The following KIF15 variants were observed in gnomAD, a reference collection of about 807,000 sequenced individuals.
KIF15 encodes the protein kinesin family member 15, also known as kinesin-like protein KIF15.
KIF15 carries 140 observed loss-of-function variants against 190.6 expected under a neutral mutation model. The ratio of observed to expected loss-of-function variants is 0.73; its 90% CI spans 0.64 to 0.84. KIF15 has a LOEUF of 0.84. Among genes scored for constraint, KIF15 ranks in the 40% least tolerant of loss-of-function variants. KIF15 has a pLI of 0.00. For synonymous variants in KIF15, 528 were observed against 551.3 expected, an observed-to-expected ratio of 0.96 and a Z score of 0.59; for missense variants, 1,372 against 1,584.4, an observed-to-expected ratio of 0.87 and a Z score of 2.28.
chr3:44,852,713 A>G lies in KIF15; in HGVS notation c.4145A>G (p.Glu1382Gly). The G allele has an allele frequency of 5.0e-6, 8 of 1,601,536 alleles. No homozygotes were observed. The Middle Eastern group carries it at 8.3e-4, about 166-fold the overall frequency. Residue 1382 changes from glutamate to glycine, a missense_variant, in exon 35 of 35, where the codon GAA (glutamate) becomes GGA (glycine). Transcript: ENST00000326047. ...KLRAENVFLK[E>G]KKRSES ...CGTGCCGAAAATGTATTTTTAAAAG[A>G]AAAGAAAAGAAGTGAATCTTGAGGA...
chr3:44,810,801 T>A, intron 16 of KIF15, 45 bp from the exon 17 acceptor site: 1 of 1,463,622 alleles, frequency 6.8e-7, no homozygotes, highest in Non-Finnish European at 9.4e-7. Flanking sequence ...AATATGCCCT[T>A]TTTAAATATG....
intron 7 of KIF15, among the ~76,000 whole-genome samples, chr3:44,792,295 A>G (rs1575599291): frequency 4.6e-5 from 7 of 151,832 alleles, no homozygotes; most frequent in Admixed American, 6.6e-5. Flanking sequence ...GGCCAACATG[A>G]TGAAACCCTG....
intron 26 of KIF15, among the ~76,000 whole-genome samples, chr3:44,834,954 G>T (rs1698238388): frequency 1.3e-5 from 2 of 148,910 alleles, no homozygotes; most frequent in African/African-American, 4.9e-5. Context: ...ATAAAGAATA[G>T]CTTTATTATA....
rs781563391 is a variant in KIF15 at position 44,815,024 on chromosome 3, A to C, written c.2497A>C (p.Asn833His). The part of the protein sequence containing the change: ...SFKTNQEKEF[N>H]KLSERHMHVQ... ...CAAAACGAATCAGGAGAAAGAATTC[A>C]ACAAACTTTCCGAAAGACACATGCA... The change falls in exon 20 of 35, where the codon AAC (asparagine) becomes CAC (histidine). Residue 833 changes from asparagine to histidine, a missense_variant. Coordinates refer to ENST00000326047, the MANE Select transcript of KIF15 (RefSeq NM_020242.3). 6 of 1,611,998 alleles carry C rather than the reference A, an allele frequency of 3.7e-6. No homozygotes were observed. Among genetic ancestry groups the C allele is most frequent in the Non-Finnish European group, 5.1e-6 (6 of 1,179,414 alleles).
rs758782670 is a variant in KIF15 at position 44,826,452 on chromosome 3, C to T, written c.2778C>T (p.Asn926=). Residue 926 remains asparagine (N), a synonymous_variant, in exon 22 of 35, where the codon AAC becomes AAT. Transcript: ENST00000326047. ...LSLQFEEDKE[N]SSKEILKVLE... ...TACAGTTTGAAGAAGATAAAGAAAA[C>T]AGTTCTAAGTGAGTGCTATTTATTT... 48 of 1,602,236 alleles carry T rather than the reference C, an allele frequency of 3.0e-5. 1 individual carries two copies. In the South Asian group the frequency reaches 5.2e-4, roughly 17 times the overall value.
chr3:44,786,282 G>T, intron 6 of KIF15, 113 bp from the exon 7 acceptor site: 4 of 797,398 alleles, frequency 5.0e-6, no homozygotes, highest in South Asian at 4.3e-5. Flanking sequence ...TGTATTAAAG[G>T]ATAATAGCAT....
At chr3:44,811,639 C>G (rs1353733324) in intron 17 of KIF15, among the ~76,000 whole-genome samples, 7 of 151,914 alleles carry the variant, frequency 4.6e-5, no homozygotes, top group African/African-American at 1.7e-4. Flanking sequence ...GAGTGAAACT[C>G]TGTCTCAAAA....
At position 44,766,911 on chromosome 3, in the gene KIF15, C is replaced by T. The variant is rs563932413; in HGVS notation, c.19+5027C>T. On this transcript the variant is annotated intron_variant, in intron 1 of 34. Coordinates refer to ENST00000326047, the MANE Select transcript of KIF15 (RefSeq NM_020242.3). ...CTGCAAGCTCCGCCTCCTGGGTTCA[C>T]GCCATTCTCCTGCCTCAGCCTCCTG... Among the ~76,000 whole-genome samples, 53 of 148,144 alleles carry T rather than the reference C, an allele frequency of 3.6e-4. No homozygotes were observed. The East Asian group carries it at 6.8e-3, about 19-fold the overall frequency.
intron 5 of KIF15, among the ~76,000 whole-genome samples, chr3:44,783,047 A>G (rs1192728021): frequency 6.6e-6 from 1 of 152,222 alleles, no homozygotes; most frequent in Non-Finnish European, 1.5e-5. Context: ...AGGCAGCTAA[A>G]TGGAATAAAG....
rs1197475258 is a variant in KIF15 at position 44,821,039 on chromosome 3, C to A, written c.2550-5000C>A. Among the ~76,000 whole-genome samples the A allele has an allele frequency of 4.0e-5, 6 of 148,430 alleles. 1 individual carries two copies. The East Asian group carries it at 1.2e-3, about 30-fold the overall frequency. On this transcript the variant is annotated intron_variant, in intron 20 of 34. Transcript: ENST00000326047. ...TGGCCGGGCGGGGGGGCTGACCCCC[C>A]CACCTCCCTCCCGGATGGGGCGGCA... is the stretch of plus-strand genomic sequence containing the variant.
chr3:44,826,872 T>C, intron 22 of KIF15: 1 of 305,992 alleles, frequency 3.3e-6, no homozygotes, highest in Non-Finnish European at 6.6e-6. Flanking sequence ...CAGGTTCCTC[T>C]CCTTAGTAGT....
In KIF15 at chr3:44,838,305, G is replaced by T; in HGVS notation, c.3202G>T (p.Ala1068Ser). 2.5e-6 allele frequency: 4 copies of T among 1,613,590 alleles called. No homozygotes were observed. The highest frequency in any genetic ancestry group is 3.4e-6 in the Non-Finnish European group (4 of 1,179,804). The change falls in exon 27 of 35, where the codon GCC becomes TCC. Residue 1068 changes from alanine to serine, a missense_variant. Ala to Ser is a moderately conservative substitution (Grantham distance 99). Coordinates refer to ENST00000326047, the MANE Select transcript of KIF15 (RefSeq NM_020242.3). ...RDMLCEDLAHATEQLNMLTEA... is the reference protein window; with the variant it reads ...RDMLCEDLAHSTEQLNMLTEA... ...TATGCTCTGTGAGGACCTGGCTCAT[G>T]CCACTGAGCAGCTGAACATGCTCAC... is the stretch of plus-strand genomic sequence containing the variant.
chr3:44,767,773 T>C (rs1278118339), intron 1 of KIF15, among the ~76,000 whole-genome samples: 1 of 151,222 alleles, frequency 6.6e-6, no homozygotes, highest in African/African-American at 2.4e-5. Flanking sequence ...CAGGCCCCTG[T>C]AGTCCCAGCT....
At chr3:44,786,301 T>C (rs7642843) in intron 6 of KIF15, 94 bp from the exon 7 acceptor site, 548,061 of 960,044 alleles carry the variant, frequency 0.57, 161,222 homozygotes, top group East Asian at 0.88. Context: ...ATAGGAAATT[T>C]ACATCTTGTG....
intron 6 of KIF15, among the ~76,000 whole-genome samples, chr3:44,861,477 C>T (rs1699243978): frequency 6.6e-6 from 1 of 152,234 alleles, no homozygotes; most frequent in Admixed American, 6.5e-5. Context: ...GCGCCCTCTG[C>T]CGAGGCATCT....
At chr3:44,867,323 C>T (rs1054262902) in intron 6 of KIF15, among the ~76,000 whole-genome samples, 2 of 152,184 alleles carry the variant, frequency 1.3e-5, no homozygotes, top group African/African-American at 2.4e-5. Flanking sequence ...AGCCACCTAC[C>T]TTTTCTTAGG....
intron 7 of KIF15, among the ~76,000 whole-genome samples, chr3:44,790,698 T>TA: frequency 2.2e-5 from 1 of 45,880 alleles, no homozygotes; most frequent in Non-Finnish European, 5.4e-5. Context: ...TCTGTTTCTT[T>TA]TTTTTTTTTT....
At chr3:44,854,863 T>C (rs1217591173), downstream of KIF15, among the ~76,000 whole-genome samples, 5 of 152,224 alleles carry the variant, frequency 3.3e-5, 1 homozygote, top group East Asian at 5.8e-4. Context: ...ACTAGTCATA[T>C]TGGATTAGAG....
chr3:44,843,104 G>T (rs908726208), intron 29 of KIF15, 21 bp from the exon 30 acceptor site: 25 of 1,570,208 alleles, frequency 1.6e-5, no homozygotes, highest in Admixed American at 1.8e-5. Flanking sequence ...TTTTTGAAAA[G>T]ATACGATTTG....
Sources: allele counts gnomAD v4.1 joint callset (sites outside exome capture counted in the v4.1 genomes callset), GRCh38; gene constraint gnomAD v4.1.1; transcripts MANE v1.5; gene names NCBI Gene and HGNC (gene_info 2026-07-23, HGNC 2026-07-21).